CADM1: variants seen among roughly 807,000 people sequenced by gnomAD.
CADM1 encodes TSLC-1.
In CADM1, 15 loss-of-function variants were observed where a neutral mutation model predicts 53.1. The observed-to-expected ratio is 0.28, with a 90% CI of 0.19 to 0.44. CADM1 has a LOEUF of 0.44. CADM1 is among the 20% of genes least tolerant of loss of function. The probability of loss-of-function intolerance (pLI) is 1.00; values close to 1 mark genes in which losing one functional copy is unlikely to be tolerated. For synonymous variants in CADM1, 281 were observed against 243.0 expected (o/e 1.16, Z -1.45); for missense variants, 434 against 611.3 (o/e 0.71, Z 3.06).
intron 1 of CADM1, among the ~76,000 whole-genome samples, chr11:115,433,512 C>T (rs1948108030): frequency 6.6e-6 from 1 of 152,032 alleles, no homozygotes; most frequent in Non-Finnish European, 1.5e-5. Flanking sequence ...ATGCCATAAA[C>T]CAATTTAATT....
intron 1 of CADM1, among the ~76,000 whole-genome samples, chr11:115,306,941 T>C (rs1035081018): frequency 6.6e-6 from 1 of 151,974 alleles, no homozygotes; most frequent in Non-Finnish European, 1.5e-5. Flanking sequence ...TACCCATGCT[T>C]CACTTTCAAA....
chr11:115,327,171 T>C (rs1944979603), intron 1 of CADM1, among the ~76,000 whole-genome samples: 1 of 152,208 alleles, frequency 6.6e-6, no homozygotes, highest in African/African-American at 2.4e-5. Context: ...ATATACGCTA[T>C]CATGTCAGAT....
intron 1 of CADM1, among the ~76,000 whole-genome samples, chr11:115,324,658 A>G (rs541074606): frequency 6.6e-6 from 1 of 152,288 alleles, no homozygotes; most frequent in South Asian, 2.1e-4. Context: ...GATAAATACT[A>G]TATGATGAAC....
intron 1 of CADM1, chr11:115,256,769 G>T (rs1565328191): frequency 4.4e-6 from 2 of 455,792 alleles, no homozygotes; most frequent in East Asian, 1.4e-4. Flanking sequence ...ATTGCAATAG[G>T]TTCACACTTA....
At chr11:115,428,763 C>A (rs2135289281) in intron 1 of CADM1, among the ~76,000 whole-genome samples, 1 of 121,332 alleles carries the variant, frequency 8.2e-6, no homozygotes, top group East Asian at 2.3e-4. Flanking sequence ...AGAAAAAAAA[C>A]TAGCAGTGTG....
intron 1 of CADM1, among the ~76,000 whole-genome samples, chr11:115,315,142 C>A (rs1055830507): frequency 1.3e-5 from 2 of 152,214 alleles, no homozygotes; most frequent in Admixed American, 6.5e-5. Flanking sequence ...AAATCAATTT[C>A]CTACGCCTTT....
chr11:115,264,456 G>C (rs1293385738), intron 1 of CADM1, among the ~76,000 whole-genome samples: 2 of 152,174 alleles, frequency 1.3e-5, no homozygotes, highest in African/African-American at 2.4e-5. Context: ...TTCCATCTCT[G>C]TCATCTATTG....
At chr11:115,297,575 T>C (rs2135127224) in intron 1 of CADM1, among the ~76,000 whole-genome samples, 1 of 152,354 alleles carries the variant, frequency 6.6e-6, no homozygotes, top group Non-Finnish European at 1.5e-5. Context: ...ATGTTGTGCT[T>C]CTGACACAGG....
chr11:115,384,331 T>A (rs917692873), intron 1 of CADM1, among the ~76,000 whole-genome samples: 11 of 152,094 alleles, frequency 7.2e-5, no homozygotes, highest in African/African-American at 2.7e-4. Context: ...GCTTACCAAC[T>A]CTTTTCTCCA....
intron 1 of CADM1, among the ~76,000 whole-genome samples, chr11:115,310,423 C>T (rs895369788): frequency 2.0e-5 from 3 of 152,072 alleles, no homozygotes; most frequent in African/African-American, 7.2e-5. Context: ...GCTACTTGAG[C>T]CTACTTGTAT....
intron 1 of CADM1, among the ~76,000 whole-genome samples, chr11:115,265,486 C>G (rs1425854480): frequency 6.6e-6 from 1 of 152,054 alleles, no homozygotes; most frequent in Non-Finnish European, 1.5e-5. Context: ...GCTATTTAGC[C>G]CTGCCTCTAT....
chr11:115,356,572 G>T lies in CADM1; in HGVS notation c.125-116152C>A, dbSNP rs1945877003. Among the ~76,000 whole-genome samples the T allele has an allele frequency of 2.0e-5, 3 of 152,114 alleles. No individual in the cohort carries two copies. The South Asian group carries it at 6.2e-4, about 32-fold the overall frequency. On this transcript the variant is annotated intron_variant, in intron 1 of 11. Transcript: ENST00000331581. The stretch of plus-strand genomic sequence containing the variant: ...GAATGACAGGTCTAATGAAATCAGT[G>T]GTATATTCCATATCCTTATAAGGGA...
chr11:115,369,390 TA>T (rs1214089598), intron 1 of CADM1, among the ~76,000 whole-genome samples: 1 of 152,166 alleles, frequency 6.6e-6, no homozygotes, highest in Non-Finnish European at 1.5e-5. Context: ...TCAGAGCAAG[TA>T]ATATGAACTG....
chr11:115,223,227 G>A (rs1179248643), intron 5 of CADM1, among the ~76,000 whole-genome samples: 2 of 152,110 alleles, frequency 1.3e-5, no homozygotes, highest in African/African-American at 2.4e-5. Flanking sequence ...CAATCCAGCC[G>A]CCCAAATCAG....
chr11:115,264,984 T>C (rs1943093125), intron 1 of CADM1, among the ~76,000 whole-genome samples: 2 of 152,114 alleles, frequency 1.3e-5, no homozygotes, highest in South Asian at 2.1e-4. Flanking sequence ...TCCATCTCTT[T>C]GGTGGGACAC....
chr11:115,288,419 C>A (rs1168438062), intron 1 of CADM1, among the ~76,000 whole-genome samples: 1 of 151,856 alleles, frequency 6.6e-6, no homozygotes, highest in Non-Finnish European at 1.5e-5. Flanking sequence ...TCAACAATCA[C>A]CTTCGGGATT....
chr11:115,413,635 A>G (rs1591792662), intron 1 of CADM1, among the ~76,000 whole-genome samples: 1 of 106,346 alleles, frequency 9.4e-6, no homozygotes, highest in South Asian at 2.8e-4. Context: ...GTGTGGCTCC[A>G]GCTCAGTTCT....
intron 1 of CADM1, among the ~76,000 whole-genome samples, chr11:115,351,689 C>A (rs760410380): frequency 1.4e-4 from 22 of 152,272 alleles, no homozygotes; most frequent in Admixed American, 3.9e-4. Context: ...ATCTTTTAAA[C>A]CTCTGGACAC....
At chr11:115,340,658 A>ATTTTTTT (rs869273547) in intron 1 of CADM1, among the ~76,000 whole-genome samples, 68 of 34,920 alleles carry the variant, frequency 1.9e-3, no homozygotes, top group African/African-American at 3.2e-3. Context: ...ATATATATAT[A>ATTTTTTT]TTTTTTTTTT....
Sources: gnomAD v4.1 joint callset for allele counts (sites outside exome capture counted in the v4.1 genomes callset) on GRCh38, gnomAD v4.1.1 for gene constraint, MANE v1.5 for transcripts, NCBI Gene and HGNC (gene_info 2026-07-23, HGNC 2026-07-21) for gene names.